MCTP1: variants seen among roughly 807,000 people sequenced by gnomAD.
MCTP1 encodes the protein multiple C2 and transmembrane domain-containing protein 1.
A neutral mutation model predicts 120.6 loss-of-function variants in MCTP1; 69 were observed. That is an observed-to-expected ratio of 0.57 (90% CI 0.47 to 0.70). The LOEUF (loss-of-function observed/expected upper bound fraction) is 0.70. Among genes scored for constraint, MCTP1 ranks in the 30% least tolerant of loss-of-function variants. MCTP1 has a pLI of 0.00. For synonymous variants in MCTP1, 529 were observed against 493.1 expected (o/e 1.07, Z -0.96); for missense variants, 1,203 against 1,248.8 (o/e 0.96, Z 0.55).
chr5:94,771,455 T>C (rs547762471), intron 19 of MCTP1, among the ~76,000 whole-genome samples: 2 of 152,192 alleles, frequency 1.3e-5, no homozygotes, highest in Non-Finnish European at 2.9e-5. Flanking sequence ...AAGAAAACCA[T>C]GAATTTCTTC....
At chr5:94,965,836 G>T (rs1274309725) in intron 2 of MCTP1, among the ~76,000 whole-genome samples, 4 of 152,142 alleles carry the variant, frequency 2.6e-5, no homozygotes, top group South Asian at 2.1e-4. Flanking sequence ...TTGAGGGGAT[G>T]TTTTCCCCTT....
At chr5:94,865,322 A>G (rs889931275) in intron 17 of MCTP1, among the ~76,000 whole-genome samples, 1 of 151,720 alleles carries the variant, frequency 6.6e-6, no homozygotes, top group African/African-American at 2.4e-5. Flanking sequence ...TTATTTTTGG[A>G]TAGTAAAGTA....
chr5:95,092,388 A>G (rs1582230250), intron 1 of MCTP1, among the ~76,000 whole-genome samples: 1 of 152,366 alleles, frequency 6.6e-6, no homozygotes, highest in South Asian at 2.1e-4. Context: ...AGGTTAACAG[A>G]TACCAAATCC....
intron 13 of MCTP1, among the ~76,000 whole-genome samples, chr5:94,871,880 T>A (rs1338216843): frequency 6.6e-6 from 1 of 152,092 alleles, no homozygotes; most frequent in Non-Finnish European, 1.5e-5. Flanking sequence ...CATCTCCTGT[T>A]TGTTTATAGC....
At chr5:95,213,822 T>C (rs1752697601) in intron 1 of MCTP1, among the ~76,000 whole-genome samples, 2 of 152,274 alleles carry the variant, frequency 1.3e-5, no homozygotes, top group African/African-American at 4.8e-5. Flanking sequence ...TGTAGAAAGC[T>C]GAAACTGGAT....
chr5:95,056,198 C>G (rs539018945), intron 1 of MCTP1, among the ~76,000 whole-genome samples: 1 of 152,154 alleles, frequency 6.6e-6, no homozygotes, highest in East Asian at 1.9e-4. Flanking sequence ...AATATTCTAA[C>G]TAGAGGAAAT....
chr5:95,110,998 T>C (rs934903303), intron 1 of MCTP1, among the ~76,000 whole-genome samples: 3 of 152,148 alleles, frequency 2.0e-5, no homozygotes, highest in African/African-American at 4.8e-5. Context: ...ACTTATTTTG[T>C]AATGGGGAAA....
intron 1 of MCTP1, among the ~76,000 whole-genome samples, chr5:95,087,049 C>T (rs1031747987): frequency 6.6e-6 from 1 of 152,124 alleles, no homozygotes; most frequent in Admixed American, 6.5e-5. Flanking sequence ...ATTCTTCAGC[C>T]AGGAGGACGA....
chr5:95,168,442 G>T lies in MCTP1; in HGVS notation c.720+115414C>A, dbSNP rs561028697. Among the ~76,000 whole-genome samples the T allele has an allele frequency of 7.8e-4, 119 of 152,288 alleles. 1 individual carries two copies. The South Asian group carries it at 0.016, about 20-fold the overall frequency. The stretch of plus-strand genomic sequence containing the variant: ...TTCCAATTCTGTGAAGAAAGTCATT[G>T]GTAGCTTAATGGGGATGGCATTGAA... On this transcript the variant is annotated intron_variant, in intron 1 of 22. Coordinates refer to ENST00000515393, the MANE Select transcript of MCTP1 (RefSeq NM_024717.7).
intron 1 of MCTP1, among the ~76,000 whole-genome samples, chr5:95,063,805 C>T (rs1049045461): frequency 7.4e-6 from 1 of 135,016 alleles, no homozygotes; most frequent in African/African-American, 2.6e-5. Flanking sequence ...GCCATGTTGC[C>T]TAGGCTGGTC....
chr5:95,142,218 C>A (rs563532330), intron 1 of MCTP1, among the ~76,000 whole-genome samples: 92 of 152,244 alleles, frequency 6.0e-4, no homozygotes, highest in African/African-American at 1.9e-3. Context: ...CAGATTTTAG[C>A]TTGGTCATTG....
At chr5:95,001,267 T>C (rs1833629907) in intron 2 of MCTP1, among the ~76,000 whole-genome samples, 1 of 152,116 alleles carries the variant, frequency 6.6e-6, no homozygotes, top group Admixed American at 6.5e-5. Context: ...AACAGACTAA[T>C]ACAGTAAATT....
chr5:94,782,035 A>T (rs977682340), intron 18 of MCTP1, among the ~76,000 whole-genome samples: 3 of 151,994 alleles, frequency 2.0e-5, no homozygotes, highest in African/African-American at 7.2e-5. Flanking sequence ...AACATACCCC[A>T]CTATTACATT....
At chr5:95,033,905 T>C (rs1159122763) in intron 1 of MCTP1, among the ~76,000 whole-genome samples, 2 of 152,030 alleles carry the variant, frequency 1.3e-5, no homozygotes, top group African/African-American at 4.8e-5. Flanking sequence ...CACAAGTCAG[T>C]AGCATTTCTA....
At chr5:95,224,556 G>A (rs1269350561) in intron 1 of MCTP1, among the ~76,000 whole-genome samples, 2 of 149,328 alleles carry the variant, frequency 1.3e-5, no homozygotes, top group East Asian at 2.0e-4. Flanking sequence ...CCCCCAGGCT[G>A]GAATGCAGTG....
chr5:94,946,873 G>A (rs1356621788), intron 3 of MCTP1, among the ~76,000 whole-genome samples: 1 of 152,090 alleles, frequency 6.6e-6, no homozygotes, highest in Non-Finnish European at 1.5e-5. Context: ...TGATTGCATG[G>A]AGAAACATCT....
At chr5:94,918,090 T>A (rs961657209) in intron 7 of MCTP1, 117 bp from the exon 8 acceptor site, 1 of 735,280 alleles carries the variant, frequency 1.4e-6, no homozygotes, top group Non-Finnish European at 2.3e-6. Flanking sequence ...AAAATTTGTA[T>A]TTGCTTCTCA....
intron 1 of MCTP1, among the ~76,000 whole-genome samples, chr5:95,218,702 G>A (rs1232663680): frequency 6.6e-6 from 1 of 152,160 alleles, no homozygotes; most frequent in Admixed American, 6.5e-5. Context: ...CATTGTGGGT[G>A]ATTTTGTTGT....
rs977067020 is a variant in MCTP1 at position 94,870,900 on chromosome 5, T to A, written c.2213A>T (p.Tyr738Phe). Residue 738 changes from tyrosine to phenylalanine, a missense_variant, in exon 15 of 23, where the codon TAT becomes TTT. Tyr to Phe is a conservative substitution (Grantham distance 22, BLOSUM62 3). Coordinates refer to ENST00000515393, the MANE Select transcript of MCTP1 (RefSeq NM_024717.7). The part of the protein sequence containing the change: ...QLTGPTKGVI[Y>F]LEIDVIFNAV... ...ATTAAAAATCACATCTATTTCAAGA[T>A]AGATGACCCCCTTTGTTGGCCCTGT... 1 of 1,612,974 alleles carries A rather than the reference T, an allele frequency of 6.2e-7. No homozygotes were observed. Among genetic ancestry groups the A allele is most frequent in the Non-Finnish European group, 8.5e-7 (1 of 1,179,292 alleles).
Sources: gnomAD v4.1 joint callset for allele counts (sites outside exome capture counted in the v4.1 genomes callset) on GRCh38, gnomAD v4.1.1 for gene constraint, MANE v1.5 for transcripts, NCBI Gene and HGNC (gene_info 2026-07-23, HGNC 2026-07-21) for gene names.